Variants in FMN1 observed in about 807,000 individuals in gnomAD.
FMN1 encodes the protein formin 1, also known as formin-1.
FMN1 carries 110 observed loss-of-function variants against 132.4 expected under a neutral mutation model. The ratio of observed to expected loss-of-function variants is 0.83; its 90% CI spans 0.71 to 0.97. The LOEUF (loss-of-function observed/expected upper bound fraction) is 0.97. Among genes scored for constraint, FMN1 ranks in the 50% least tolerant of loss-of-function variants. The pLI, the probability that FMN1 is intolerant of heterozygous loss-of-function variation, is 0.00. For missense variants in FMN1, 1,792 were observed against 1,705.3 expected, an observed-to-expected ratio of 1.05 and a Z score of -0.90; for synonymous variants, 722 against 651.7, an observed-to-expected ratio of 1.11 and a Z score of -1.64.
chr15:32,860,390 T>C (rs1225597881), intron 16 of FMN1, among the ~76,000 whole-genome samples: 1 of 152,140 alleles, frequency 6.6e-6, no homozygotes, highest in Non-Finnish European at 1.5e-5. Context: ...CAGTGGCTCG[T>C]GCCTCTAATA....
At chr15:33,032,173 T>C (rs2035969488) in intron 6 of FMN1, among the ~76,000 whole-genome samples, 1 of 152,148 alleles carries the variant, frequency 6.6e-6, no homozygotes, top group South Asian at 2.1e-4. Context: ...ACACTTAGGG[T>C]CATTAGTTAG....
intron 16 of FMN1, among the ~76,000 whole-genome samples, chr15:32,867,510 T>A (rs1196967722): frequency 9.3e-6 from 1 of 107,314 alleles, no homozygotes; most frequent in Non-Finnish European, 2.0e-5. Context: ...TCTCATCAGG[T>A]TTTTTTTTTT....
chr15:33,153,742 T>C lies in FMN1; in HGVS notation c.1173A>G (p.Gln391=). The change falls in exon 4 of 21, where the codon CAA becomes CAG. Residue 391 remains glutamine, a synonymous_variant. Coordinates refer to ENST00000616417, the MANE Select transcript of FMN1 (RefSeq NM_001277313.2). ...HGSRRQGKER[Q]GDRSSQSPAG... ...CTGGCGACTGCGATGACCTATCCCC[T>C]TGCCGCTCCTTGCCCTGCCGCCTGG... 1 of 1,536,226 alleles carries C rather than the reference T, an allele frequency of 6.5e-7. No homozygotes were observed.
intron 9 of FMN1, among the ~76,000 whole-genome samples, chr15:32,939,329 C>G (rs975946689): frequency 6.6e-6 from 1 of 151,658 alleles, no homozygotes; most frequent in Non-Finnish European, 1.5e-5. Flanking sequence ...TACCCATTAC[C>G]GAAGAATTTA....
chr15:32,925,491 TACAAG>T (rs2060938494), intron 10 of FMN1, among the ~76,000 whole-genome samples: 1 of 152,190 alleles, frequency 6.6e-6, no homozygotes, highest in African/African-American at 2.4e-5. Context: ...TGGGGAAGTC[TACAAG>T]ACAAGTGACC....
intron 16 of FMN1, among the ~76,000 whole-genome samples, chr15:32,867,055 C>A (rs2059408209): frequency 6.6e-6 from 1 of 152,172 alleles, no homozygotes; most frequent in South Asian, 2.1e-4. Flanking sequence ...GGATGTGTCT[C>A]CCAAGTTTAC....
At chr15:33,049,910 G>T (rs1359249521) in intron 6 of FMN1, among the ~76,000 whole-genome samples, 1 of 152,208 alleles carries the variant, frequency 6.6e-6, no homozygotes, top group Non-Finnish European at 1.5e-5. Context: ...TCTAGGGGCT[G>T]CTCAATTCAC....
intron 5 of FMN1, chr15:33,067,993 C>T: frequency 6.8e-7 from 1 of 1,470,442 alleles, no homozygotes; most frequent in Non-Finnish European, 8.9e-7. Flanking sequence ...GCAACAGGAC[C>T]CGGGAGTCAG....
At chr15:33,120,968 C>G (rs1962496300) in intron 4 of FMN1, among the ~76,000 whole-genome samples, 1 of 152,124 alleles carries the variant, frequency 6.6e-6, no homozygotes, top group East Asian at 1.9e-4. Flanking sequence ...AAATTCACCT[C>G]TTTTCCTCCC....
chr15:33,111,746 C>T (rs1208124837), intron 4 of FMN1, among the ~76,000 whole-genome samples: 2 of 151,500 alleles, frequency 1.3e-5, no homozygotes, highest in Non-Finnish European at 1.5e-5. Context: ...GGCAAATCTA[C>T]GGAGGCAGAA....
intron 4 of FMN1, among the ~76,000 whole-genome samples, chr15:33,107,654 T>C (rs1295017050): frequency 2.0e-5 from 3 of 152,130 alleles, no homozygotes; most frequent in Non-Finnish European, 4.4e-5. Context: ...CAAGTTCAAG[T>C]TCATGCTCAA....
chr15:32,831,115 T>G (rs1433664798), intron 17 of FMN1, among the ~76,000 whole-genome samples: 2 of 152,234 alleles, frequency 1.3e-5, no homozygotes, highest in African/African-American at 4.8e-5. Flanking sequence ...AAAATGGAGA[T>G]AATAATAGTG....
chr15:32,999,085 A>AT (rs1305293885), intron 7 of FMN1, among the ~76,000 whole-genome samples: 10 of 152,132 alleles, frequency 6.6e-5, no homozygotes, highest in Non-Finnish European at 1.0e-4. Flanking sequence ...AATATTGTCT[A>AT]TTTTTTCCTT....
chr15:33,060,931 T>G (rs2037453127), intron 6 of FMN1, among the ~76,000 whole-genome samples: 1 of 152,334 alleles, frequency 6.6e-6, no homozygotes, highest in African/African-American at 2.4e-5. Flanking sequence ...TGACAATGTA[T>G]TTTTTAAATG....
In FMN1 at chr15:32,928,237, TAGAA is replaced by T. The variant is rs543139052; in HGVS notation, c.3139-1980_3139-1977del. Among the ~76,000 whole-genome samples the T allele has an allele frequency of 8.5e-5, 13 of 152,254 alleles. No individual in the cohort carries two copies. The East Asian group carries it at 1.7e-3, about 20-fold the overall frequency. ...TGTTTAAGCATGTCAATATTCGCCT[TAGAA>T]AGATTCTTGAGGCATACAGAATTTT... On this transcript the variant is annotated intron_variant, in intron 9 of 20. Transcript: ENST00000616417.
At chr15:33,114,483 T>C (rs1052841291) in intron 4 of FMN1, among the ~76,000 whole-genome samples, 10 of 152,198 alleles carry the variant, frequency 6.6e-5, no homozygotes, top group Non-Finnish European at 1.5e-4. Context: ...CGGAAGCCTG[T>C]CTGTCACATC....
At chr15:32,858,532 C>T (rs922793999) in intron 16 of FMN1, among the ~76,000 whole-genome samples, 1 of 152,244 alleles carries the variant, frequency 6.6e-6, no homozygotes, top group Middle Eastern at 3.4e-3. Context: ...ACAGGGGTAC[C>T]GAAATTCAAG....
chr15:32,860,146 AAG>A (rs35335246), intron 16 of FMN1, among the ~76,000 whole-genome samples: 25,073 of 149,750 alleles, frequency 0.17, 2,791 homozygotes, highest in Admixed American at 0.27. Context: ...GAGAAAGAAA[AAG>A]AGGAAGGAAG....
At chr15:33,067,523 A>T in intron 5 of FMN1, 5 of 1,613,986 alleles carry the variant, frequency 3.1e-6, no homozygotes, top group Non-Finnish European at 4.2e-6. Context: ...CAGTGGAAGC[A>T]GCTCTTGAGC....
Sources: gnomAD v4.1 joint callset for allele counts (sites outside exome capture counted in the v4.1 genomes callset) on GRCh38, gnomAD v4.1.1 for gene constraint, MANE v1.5 for transcripts, NCBI Gene and HGNC (gene_info 2026-07-23, HGNC 2026-07-21) for gene names.